The following NOS3 variants were observed in gnomAD, a reference collection of about 807,000 sequenced individuals.
NOS3 encodes the protein nitric oxide synthase 3, also known as NOS type III.
Under a neutral mutation model 144.9 loss-of-function variants are expected in NOS3, and 98 were observed. That is an observed-to-expected ratio of 0.68 (90% CI 0.57 to 0.80). The LOEUF is 0.80. Among genes scored for constraint, NOS3 ranks in the 30% least tolerant of loss-of-function variants. NOS3 has a pLI of 0.00. For synonymous variants in NOS3, 714 were observed against 702.4 expected (o/e 1.02, Z -0.26); for missense variants, 1,465 against 1,656.4 (o/e 0.88, Z 2.01).
chr7:151,003,060 A>T lies in NOS3; in HGVS notation c.1752+756A>T. ...GTGCCCCAGGCTAGGCTCATTTCTG[A>T]GTCTTACCTGCTCCAGCTTCTAGGT... is the stretch of plus-strand genomic sequence containing the variant. On this transcript the variant is annotated intron_variant, in intron 14 of 26. Transcript: ENST00000297494. The surrounding 1 kb of genome is among the most constrained non-coding windows in gnomAD (Gnocchi z 4.1). 2.8e-6 allele frequency: 1 copy of T among 363,474 alleles called. No individual in the cohort carries two copies. Among genetic ancestry groups the T allele is most frequent in the Non-Finnish European group, 5.4e-6 (1 of 184,550 alleles). The allele number at this position is 363,474 out of a possible 1,614,324, so 22.5% of individuals were successfully genotyped here.
intron 23 of NOS3, 179 bp from the exon 24 acceptor site, chr7:151,012,172 C>T (rs1795318052): frequency 3.6e-6 from 2 of 559,376 alleles, no homozygotes; most frequent in South Asian, 2.6e-5. Context: ...GTGCAATCTC[C>T]AGAAACCACA....
At chr7:151,012,018 A>C in intron 23 of NOS3, 1 of 305,034 alleles carries the variant, frequency 3.3e-6, no homozygotes. Context: ...AACATAAACT[A>C]AATACCACTA....
At position 150,998,894 on chromosome 7, in the gene NOS3, G is replaced by A; in HGVS notation, c.817-52G>A. On this transcript the variant is annotated intron_variant, in intron 7 of 26. Transcript: ENST00000297494. The surrounding 1 kb of genome is among the most constrained non-coding windows in gnomAD (Gnocchi z 5.0). ...GGAGACAGTGGATGGAGGGGTCCCT[G>A]AGGAGGGCATGAGGCTCAGCCCCAG... 1.9e-6 allele frequency: 3 copies of A among 1,573,640 alleles called. No homozygotes were observed. Among genetic ancestry groups the A allele is most frequent in the Non-Finnish European group, 2.6e-6 (3 of 1,160,754 alleles).
Position 150,999,064 on chromosome 7 carries a change from A to C in NOS3, c.935A>C (p.Glu312Ala), listed in dbSNP as rs1346272741. 6.2e-7 allele frequency: 1 copy of C among 1,612,560 alleles called. No homozygotes were observed. Among genetic ancestry groups the C allele is most frequent in the Non-Finnish European group, 8.5e-7 (1 of 1,179,908 alleles). ...CTTCTGCCCCCCGAGCTGGTCCTTG[A>C]GGTGCCCCTGGAGCACCCCACGTGA... The part of the protein sequence containing the change: ...LFLLPPELVL[E>A]VPLEHPTLEW... Residue 312 changes from glutamate (E) to alanine (A), a missense_variant, in exon 8 of 27, where the codon GAG (glutamate) becomes GCG (alanine). Coordinates refer to ENST00000297494, the MANE Select transcript of NOS3 (RefSeq NM_000603.5).
chr7:151,013,158 G>A (rs570991376), intron 24 of NOS3, 73 bp from the exon 25 acceptor site: 92 of 1,508,066 alleles, frequency 6.1e-5, no homozygotes, highest in Non-Finnish European at 7.7e-5. Context: ...GCTGGGCGAC[G>A]GTGGCCTGTG....
rs781380889 is a variant in NOS3, at chr7:151,014,218, C to T, written c.*49C>T. The T allele has an allele frequency of 6.5e-6, 10 of 1,538,610 alleles. No individual in the cohort carries two copies. The East Asian group carries it at 2.4e-4, about 36-fold the overall frequency. The stretch of plus-strand genomic sequence containing the variant: ...GTTCCGGGAGAGCGGCTGCCCGACT[C>T]AGGTCCGCCCGACCAGGATCAGCCC... On this transcript the variant is annotated 3_prime_UTR_variant, in exon 27 of 27. Coordinates refer to ENST00000297494, the MANE Select transcript of NOS3 (RefSeq NM_000603.5).
intron 1 of NOS3, among the ~76,000 whole-genome samples, chr7:150,991,721 C>T (rs1802258051): frequency 6.6e-6 from 1 of 152,166 alleles, no homozygotes; most frequent in South Asian, 2.1e-4. Flanking sequence ...AATGGCCATC[C>T]ATGGTGGCTC....
At position 150,998,432 on chromosome 7, in the gene NOS3, A is replaced by T; in HGVS notation, c.658A>T (p.Asn220Tyr). Residue 220 changes from asparagine to tyrosine, a missense_variant, in exon 6 of 27, where the codon AAC becomes TAC. By Grantham distance (143) the Asn-to-Tyr change is moderately radical. Coordinates refer to ENST00000297494, the MANE Select transcript of NOS3 (RefSeq NM_000603.5). The surrounding 1 kb of genome is among the most constrained non-coding windows in gnomAD (Gnocchi z 5.0). ...YICNHIKYATNRGNLRSAITV... is the reference protein window; with the variant it reads ...YICNHIKYATYRGNLRSAITV... ...CTGCAACCACATCAAGTATGCCACC[A>T]ACCGGGGCAACCTTCGGTGAGTGCC... 6.2e-7 allele frequency: 1 copy of T among 1,612,410 alleles called. No homozygotes were observed. The highest frequency in any genetic ancestry group is 8.5e-7 in the Non-Finnish European group (1 of 1,179,818).
rs1802504409 is a variant in NOS3, at chr7:150,999,034, T to C, written c.905T>C (p.Leu302Pro). 1 of 1,612,300 alleles carries C rather than the reference T, an allele frequency of 6.2e-7. No homozygotes were observed. The highest frequency in any genetic ancestry group is 1.1e-5 in the South Asian group (1 of 91,072). Residue 302 changes from leucine to proline, a missense_variant, in exon 8 of 27, where the codon CTC (leucine) becomes CCC (proline). Leu to Pro is a moderately conservative substitution (Grantham distance 98). This residue lies in a region of NOS3 where 745 missense variants were observed against 853.9 expected (regional missense o/e 0.87). Coordinates refer to ENST00000297494, the MANE Select transcript of NOS3 (RefSeq NM_000603.5). ...LLQAPDDPPE[L>P]FLLPPELVLE... ...CAGGCCCCAGATGATCCCCCAGAAC[T>C]CTTCCTTCTGCCCCCCGAGCTGGTC...
intron 23 of NOS3, 25 bp from the exon 24 acceptor site, chr7:151,012,326 C>A: frequency 6.5e-7 from 1 of 1,542,802 alleles, no homozygotes; most frequent in Non-Finnish European, 8.8e-7. Context: ...GCAAAGGGGA[C>A]CTGATGGAGT....
Position 151,014,121 on chromosome 7 carries a change from A to T in NOS3, c.3564A>T (p.Ala1188=). Residue 1188 remains alanine (A), a synonymous_variant, in exon 27 of 27, where the codon GCA becomes GCT. Coordinates refer to ENST00000297494, the MANE Select transcript of NOS3 (RefSeq NM_000603.5). ...FSLQERQLRG[A]VPWAFDPPGS... ...TGCAGGAGCGTCAGTTGCGGGGCGC[A>T]GTGCCCTGGGCGTTCGACCCTCCCG... 1 of 1,613,344 alleles carries T rather than the reference A, an allele frequency of 6.2e-7. No homozygotes were observed. Among genetic ancestry groups the T allele is most frequent in the South Asian group, 1.1e-5 (1 of 91,066 alleles).
In NOS3 at chr7:151,002,044, G is replaced by A. The variant is rs1256079073; in HGVS notation, c.1647+79G>A. On this transcript the variant is annotated intron_variant, in intron 13 of 26. Transcript: ENST00000297494. The surrounding 1 kb of genome is among the most constrained non-coding windows in gnomAD (Gnocchi z 4.1). ...TCTTCAGGGGTGCCCTGGAGGACAGGAAGTGTTACAAGTCAGGACTCATGA... is the reference window on the plus strand; with the variant it reads ...TCTTCAGGGGTGCCCTGGAGGACAGAAAGTGTTACAAGTCAGGACTCATGA... 2 of 1,572,832 alleles carry A rather than the reference G, an allele frequency of 1.3e-6. No homozygotes were observed. Among genetic ancestry groups the A allele is most frequent in the Admixed American group, 1.7e-5 (1 of 57,732 alleles).
At chr7:151,010,858 C>T (rs766842364) in intron 22 of NOS3, 41 bp from the exon 23 acceptor site, 2 of 1,607,238 alleles carry the variant, frequency 1.2e-6, no homozygotes, top group South Asian at 1.1e-5. Flanking sequence ...TGGGACCGGC[C>T]CCTCTCTGGC....
intron 14 of NOS3, among the ~76,000 whole-genome samples, chr7:151,004,665 A>C (rs1419076317): frequency 6.6e-6 from 1 of 152,216 alleles, no homozygotes; most frequent in Admixed American, 6.5e-5. Context: ...ATGTGAAGAG[A>C]AGAAAAAGCC....
Position 151,012,217 on chromosome 7 carries a change from T to A in NOS3, c.2985-134T>A, listed in dbSNP as rs948918193. On this transcript the variant is annotated intron_variant, in intron 23 of 26. Transcript: ENST00000297494. ...AGTTTCAGCAAGTAGAGTTGTTTTTTGTTTTTTGTTTTTTTTTTAATTTTT... is the reference window on the plus strand; with the variant it reads ...AGTTTCAGCAAGTAGAGTTGTTTTTAGTTTTTTGTTTTTTTTTTAATTTTT... 7 of 723,356 alleles carry A rather than the reference T, an allele frequency of 9.7e-6. No individual in the cohort carries two copies. In the African/African-American group the frequency reaches 1.2e-4, roughly 13 times the overall value. 44.8% of individuals were successfully genotyped at this position (723,356 alleles called of 1,614,324 possible).
In NOS3 at chr7:151,010,779, T is replaced by A; in HGVS notation, c.2868T>A (p.Thr956=). The stretch of plus-strand genomic sequence containing the variant: ...CCCACCCAGGAGAGATCCACCTCAC[T>A]GTAGCTGTGCTGGCATACAGGACTC... ...PSTHPGEIHL[T]VAVLAYRTQD... Residue 956 remains threonine, a synonymous_variant, in exon 22 of 27, where the codon ACT becomes ACA. Coordinates refer to ENST00000297494, the MANE Select transcript of NOS3 (RefSeq NM_000603.5). 1 of 1,613,104 alleles carries A rather than the reference T, an allele frequency of 6.2e-7. No homozygotes were observed. Among genetic ancestry groups the A allele is most frequent in the Non-Finnish European group, 8.5e-7 (1 of 1,179,604 alleles).
At chr7:151,000,677 A>C in intron 10 of NOS3, 78 bp downstream of exon 10, 1 of 935,812 alleles carries the variant, frequency 1.1e-6, no homozygotes, top group Non-Finnish European at 1.7e-6. Flanking sequence ...GAGGAGAGGC[A>C]GCCATTTAGA....
chr7:151,000,652 C>A, intron 10 of NOS3, 53 bp downstream of exon 10: 2 of 1,238,420 alleles, frequency 1.6e-6, no homozygotes, highest in East Asian at 4.7e-5. Flanking sequence ...ACGGGGGCAG[C>A]AGGGGCGGGG....
intron 14 of NOS3, among the ~76,000 whole-genome samples, chr7:151,006,148 A>G (rs1430249106): frequency 1.3e-5 from 2 of 152,182 alleles, no homozygotes; most frequent in African/African-American, 4.8e-5. Flanking sequence ...AACTATAAAT[A>G]TGCACATGCA....
Sources: allele counts gnomAD v4.1 joint callset (sites outside exome capture counted in the v4.1 genomes callset), GRCh38; gene constraint gnomAD v4.1.1; regional missense constraint gnomAD v4.1.1; non-coding constraint Gnocchi (gnomAD v3.1); transcripts MANE v1.5; gene names NCBI Gene and HGNC (gene_info 2026-07-23, HGNC 2026-07-21).